Variants in ARHGAP31 observed in about 807,000 individuals in gnomAD.
ARHGAP31 encodes the protein rho GTPase-activating protein 31.
A neutral mutation model predicts 113.9 loss-of-function variants in ARHGAP31; 34 were observed. The ratio of observed to expected loss-of-function variants is 0.30; its 90% CI spans 0.23 to 0.40. ARHGAP31 has a LOEUF of 0.40. ARHGAP31 is among the 10% of genes least tolerant of loss of function. The pLI is 1.00. For missense variants in ARHGAP31, 1,548 were observed against 1,767.1 expected (o/e 0.88, Z 2.22); for synonymous variants, 650 against 684.8 (o/e 0.95, Z 0.79).
At chr3:119,323,306 G>T (rs924026116) in intron 1 of ARHGAP31, among the ~76,000 whole-genome samples, 1 of 152,028 alleles carries the variant, frequency 6.6e-6, no homozygotes, top group East Asian at 1.9e-4. Flanking sequence ...ACAGCCGCCG[G>T]CCCTGGGGGC....
At chr3:119,391,589 A>ACCCCCCCCCCCCC (rs368549202) in intron 7 of ARHGAP31, among the ~76,000 whole-genome samples, 161 of 103,838 alleles carry the variant, frequency 1.6e-3, no homozygotes, top group Non-Finnish European at 2.2e-3. Flanking sequence ...CTGGGTCTCT[A>ACCCCCCCCCCCCC]CCCCCCCCTC....
At chr3:119,298,291 C>T (rs1486775328) in intron 1 of ARHGAP31, among the ~76,000 whole-genome samples, 2 of 152,174 alleles carry the variant, frequency 1.3e-5, no homozygotes, top group East Asian at 3.8e-4. Flanking sequence ...ACTGCTGCTG[C>T]TGAAAATAGT....
chr3:119,325,590 G>A (rs2079833428), intron 1 of ARHGAP31, among the ~76,000 whole-genome samples: 1 of 151,426 alleles, frequency 6.6e-6, no homozygotes, highest in Non-Finnish European at 1.5e-5. Flanking sequence ...GGGAGAAAGG[G>A]TGGAGGGGAA....
chr3:119,360,297 C>A (rs989545286), intron 1 of ARHGAP31, among the ~76,000 whole-genome samples: 1 of 152,182 alleles, frequency 6.6e-6, no homozygotes, highest in Non-Finnish European at 1.5e-5. Context: ...GTCAGGAATG[C>A]AGGATCCAGA....
At chr3:119,296,261 A>T (rs937447617) in intron 1 of ARHGAP31, among the ~76,000 whole-genome samples, 1 of 152,222 alleles carries the variant, frequency 6.6e-6, no homozygotes, top group Non-Finnish European at 1.5e-5. Context: ...TAGGACAAAT[A>T]GCTTAGGATT....
chr3:119,376,792 G>A (rs1054999983), intron 3 of ARHGAP31, among the ~76,000 whole-genome samples: 5 of 151,220 alleles, frequency 3.3e-5, no homozygotes, highest in Non-Finnish European at 5.9e-5. Flanking sequence ...ACTTAGGGCA[G>A]ACAACTAACA....
chr3:119,300,616 G>C (rs145073052), intron 1 of ARHGAP31, among the ~76,000 whole-genome samples: 1,544 of 152,064 alleles, frequency 0.01, 28 homozygotes, highest in African/African-American at 0.035. Context: ...ATCACTTGAG[G>C]TCAGACGTTC....
chr3:119,403,698 GA>G lies in ARHGAP31; in HGVS notation c.1645+1302del, dbSNP rs2080634308. 2.0e-5 allele frequency among the ~76,000 whole-genome samples: 3 copies of G among 152,224 alleles called. No homozygotes were observed. In the South Asian group the frequency reaches 6.2e-4, roughly 31 times the overall value. Reference sequence around the variant, plus strand: ...AGGAGGATTCCAGGAAGATTTAGAAGAGGTGACATTTGGACTGAGCCTTCAT... The same window carrying G: ...AGGAGGATTCCAGGAAGATTTAGAAGGGTGACATTTGGACTGAGCCTTCAT... On this transcript the variant is annotated intron_variant, in intron 10 of 11. Coordinates refer to ENST00000264245, the MANE Select transcript of ARHGAP31 (RefSeq NM_020754.4).
At chr3:119,325,882 G>A (rs1206255216) in intron 1 of ARHGAP31, among the ~76,000 whole-genome samples, 1 of 152,178 alleles carries the variant, frequency 6.6e-6, no homozygotes, top group Non-Finnish European at 1.5e-5. Flanking sequence ...GTGGAACTAG[G>A]CATTGGTATT....
At chr3:119,309,122 G>T (rs2079656490) in intron 1 of ARHGAP31, among the ~76,000 whole-genome samples, 1 of 152,192 alleles carries the variant, frequency 6.6e-6, no homozygotes, top group African/African-American at 2.4e-5. Context: ...GTTTACAGGT[G>T]TGAGCCACCG....
chr3:119,305,191 A>T (rs1487977765), intron 1 of ARHGAP31, among the ~76,000 whole-genome samples: 2 of 152,130 alleles, frequency 1.3e-5, no homozygotes, highest in Non-Finnish European at 2.9e-5. Flanking sequence ...TCTGCTCTTG[A>T]CCCAACGAGA....
intron 1 of ARHGAP31, among the ~76,000 whole-genome samples, chr3:119,304,894 C>CAAAAT (rs71156741): frequency 0.031 from 4,482 of 144,908 alleles, 96 homozygotes; most frequent in East Asian, 0.062. Flanking sequence ...GACTCTGTCT[C>CAAAAT]AAAATAAAAT....
chr3:119,391,853 A>C (rs16829789), intron 7 of ARHGAP31, among the ~76,000 whole-genome samples: 18,738 of 152,042 alleles, frequency 0.12, 1,478 homozygotes, highest in East Asian at 0.25. Context: ...CTGGTGAGAA[A>C]CCCATCTGTG....
rs1390950232 is a variant in ARHGAP31, at chr3:119,365,366, G to A, written c.151G>A (p.Val51Met). The A allele has an allele frequency of 2.5e-6, 4 of 1,614,106 alleles. No homozygotes were observed. Among genetic ancestry groups the A allele is most frequent in the Non-Finnish European group, 2.5e-6 (3 of 1,180,024 alleles). The change falls in exon 2 of 12, where the codon GTG (valine) becomes ATG (methionine). Residue 51 changes from valine to methionine, a missense_variant. Val to Met is a conservative substitution (Grantham distance 21). Transcript: ENST00000264245. ...CAEFIETHGI[V>M]DGIYRLSGVT... Reference sequence around the variant, plus strand: ...AGAATTTATAGAGACTCACGGCATCGTGGATGGAATCTATCGGCTTTCAGG... The same window carrying A: ...AGAATTTATAGAGACTCACGGCATCATGGATGGAATCTATCGGCTTTCAGG...
At chr3:119,406,102 G>A (rs565194287) in intron 10 of ARHGAP31, among the ~76,000 whole-genome samples, 1 of 152,354 alleles carries the variant, frequency 6.6e-6, no homozygotes, top group South Asian at 2.1e-4. Flanking sequence ...TGTGAGAAGA[G>A]AGGACATGTG....
Position 119,368,388 on chromosome 3 carries a change from G to T in ARHGAP31, c.220G>T (p.Asp74Tyr), listed in dbSNP as rs529695855. The change falls in exon 3 of 12, where the codon GAT becomes TAT. Residue 74 changes from aspartate to tyrosine, a missense_variant. Coordinates refer to ENST00000264245, the MANE Select transcript of ARHGAP31 (RefSeq NM_020754.4). ...TTGTTTCAGGCAAGAGTTTGGCTCA[G>T]ATCAATGTCCAGATCTGACAAGGGA... Reference protein sequence around the residue: ...IQRLRQEFGSDQCPDLTREVY... With the variant: ...IQRLRQEFGSYQCPDLTREVY... The T allele has an allele frequency of 2.5e-6, 4 of 1,614,188 alleles. No individual in the cohort carries two copies. In the African/African-American group the frequency reaches 4.0e-5, roughly 16 times the overall value.
chr3:119,326,759 T>C lies in ARHGAP31; in HGVS notation c.100+31755T>C, dbSNP rs541152984. 3.0e-4 allele frequency among the ~76,000 whole-genome samples: 45 copies of C among 152,356 alleles called. 1 individual carries two copies. The highest frequency in any genetic ancestry group is 1.1e-3 in the African/African-American group (44 of 41,578). On this transcript the variant is annotated intron_variant, in intron 1 of 11. Coordinates refer to ENST00000264245, the MANE Select transcript of ARHGAP31 (RefSeq NM_020754.4). Reference sequence around the variant, plus strand: ...ATTCAGCAGGTATTCAGAACATGACTGGAATCTTGCGTTTGTATCTGCTAT... The same window carrying C: ...ATTCAGCAGGTATTCAGAACATGACCGGAATCTTGCGTTTGTATCTGCTAT...
chr3:119,395,936 G>C (rs1056943514), intron 8 of ARHGAP31, among the ~76,000 whole-genome samples: 1 of 152,146 alleles, frequency 6.6e-6, no homozygotes, highest in Admixed American at 6.5e-5. Context: ...ATTCTTAAGG[G>C]AGAAACTGGG....
chr3:119,414,412 C>G lies in ARHGAP31; in HGVS notation c.2483C>G (p.Pro828Arg). 1 of 1,614,224 alleles carries G rather than the reference C, an allele frequency of 6.2e-7. No individual in the cohort carries two copies. Among genetic ancestry groups the G allele is most frequent in the East Asian group, 2.2e-5 (1 of 44,884 alleles). ...GACCAGCTGAAGTCCCAAGACAGCC[C>G]TGAGATCTCTAGCCTCTGTCAGGGA... Reference protein sequence around the residue: ...YIDQLKSQDSPEISSLCQGEE... With the variant: ...YIDQLKSQDSREISSLCQGEE... The change falls in exon 12 of 12, where the codon CCT becomes CGT. Residue 828 changes from proline (P) to arginine (R), a missense_variant. Coordinates refer to ENST00000264245, the MANE Select transcript of ARHGAP31 (RefSeq NM_020754.4).
Sources: allele counts gnomAD v4.1 joint callset (sites outside exome capture counted in the v4.1 genomes callset), GRCh38; gene constraint gnomAD v4.1.1; transcripts MANE v1.5; gene names NCBI Gene and HGNC (gene_info 2026-07-23, HGNC 2026-07-21).